Variants in MUSTN1 observed in about 807,000 individuals in gnomAD.
The protein encoded by MUSTN1 is musculoskeletal, embryonic nuclear protein 1, also known as musculoskeletal embryonic nuclear protein 1.
Under a neutral mutation model 11.8 loss-of-function variants are expected in MUSTN1, and 14 were observed. The observed-to-expected ratio is 1.18, with a 90% CI of 0.78 to 1.85. The LOEUF is 1.85. Among genes scored for constraint, MUSTN1 ranks in the 40% most tolerant of loss-of-function variants. MUSTN1 has a pLI of 0.00. For synonymous variants in MUSTN1, 42 were observed against 43.3 expected, an observed-to-expected ratio of 0.97 and a Z score of 0.12; for missense variants, 111 against 108.8, an observed-to-expected ratio of 1.02 and a Z score of -0.09.
In MUSTN1 at chr3:52,833,403, A is replaced by AC; in HGVS notation, c.169dup (p.Val57GlyfsTer14). 1.9e-6 allele frequency: 3 copies of AC among 1,613,424 alleles called. No individual in the cohort carries two copies. The highest frequency in any genetic ancestry group is 2.5e-6 in the Non-Finnish European group (3 of 1,179,514). On this transcript the variant is annotated frameshift_variant, in exon 3 of 3. Coordinates refer to ENST00000446157, the MANE Select transcript of MUSTN1 (RefSeq NM_205853.4). LOFTEE classifies it high-confidence loss of function. Reference sequence around the variant, plus strand: ...GGTACCTGTGCGGGTGCGGCTGAACACCGACGGGGCGGCCGAGCCAGCTTG... The same window carrying AC: ...GGTACCTGTGCGGGTGCGGCTGAACACCCGACGGGGCGGCCGAGCCAGCTTG...
Position 52,833,880 on chromosome 3 carries a change from C to A in MUSTN1, c.10-131G>T, listed in dbSNP as rs1700644624. 6 of 1,408,812 alleles carry A rather than the reference C, an allele frequency of 4.3e-6. No homozygotes were observed. The African/African-American group carries it at 5.8e-5, about 14-fold the overall frequency. 87.3% of individuals were successfully genotyped at this position (1,408,812 alleles called of 1,614,324 possible). On this transcript the variant is annotated intron_variant, in intron 1 of 2. Transcript: ENST00000446157. ...GCCTATTCAAGGCTCTACTCCTCTTCCAGAGAAAGCCTTCCCAACTATACT... is the reference window on the plus strand; with the variant it reads ...GCCTATTCAAGGCTCTACTCCTCTTACAGAGAAAGCCTTCCCAACTATACT...
chr3:52,833,443 G>A lies in MUSTN1; in HGVS notation c.143-13C>T. ...GAGCCAGCTTGCTCTGTGGGAGGAG[G>A]TAAAGTCAGGGGCCAGCCTAGCTTC... is the stretch of plus-strand genomic sequence containing the variant. On this transcript the variant is annotated splice_polypyrimidine_tract_variant and intron_variant, in intron 2 of 2. Transcript: ENST00000446157. The A allele has an allele frequency of 1.9e-6, 3 of 1,608,528 alleles. No individual in the cohort carries two copies. Among genetic ancestry groups the A allele is most frequent in the Non-Finnish European group, 2.6e-6 (3 of 1,176,022 alleles).
rs370970594 is a variant in MUSTN1 at position 52,833,287 on chromosome 3, C to T, written c.*37G>A. 9.9e-5 allele frequency: 159 copies of T among 1,612,994 alleles called. No homozygotes were observed. The highest frequency in any genetic ancestry group is 4.4e-4 in the African/African-American group (33 of 74,962). ...AGTTCCTGGGAAAGGCTCCTGTTTCCGAGCATTCGGGCAGCAAGGGGAGTG... is the reference window on the plus strand; with the variant it reads ...AGTTCCTGGGAAAGGCTCCTGTTTCTGAGCATTCGGGCAGCAAGGGGAGTG... On this transcript the variant is annotated 3_prime_UTR_variant, in exon 3 of 3. Transcript: ENST00000446157.
Position 52,834,927 on chromosome 3 carries a change from T to G in MUSTN1, c.9+13A>C. On this transcript the variant is annotated intron_variant, in intron 1 of 2. Coordinates refer to ENST00000446157, the MANE Select transcript of MUSTN1 (RefSeq NM_205853.4). The stretch of plus-strand genomic sequence containing the variant: ...CCTCTGGCATCAACACAGCCCTTGC[T>G]GGGTCCTCCTACCTGGGACATGGTG... 1 of 1,613,550 alleles carries G rather than the reference T, an allele frequency of 6.2e-7. No individual in the cohort carries two copies. The highest frequency in any genetic ancestry group is 1.1e-5 in the South Asian group (1 of 90,846).
chr3:52,833,211 G>A lies in MUSTN1; in HGVS notation c.*113C>T. On this transcript the variant is annotated 3_prime_UTR_variant, in exon 3 of 3. Transcript: ENST00000446157. ...TGAAGGGCCTGGACTGTGGGGGAGG[G>A]TGGCAGCCCCAGAGACAGCAGGGGA... 6.8e-7 allele frequency: 1 copy of A among 1,471,270 alleles called. No homozygotes were observed. Among genetic ancestry groups the A allele is most frequent in the Middle Eastern group, 1.7e-4 (1 of 5,860 alleles). 91.1% of individuals were successfully genotyped at this position (1,471,270 alleles called of 1,614,324 possible). A position where few individuals can be genotyped will look rare whatever the true frequency, so the allele number is the denominator to read the frequency against.
Position 52,833,758 on chromosome 3 carries a change from T to TC in MUSTN1, c.10-10dup, listed in dbSNP as rs771647220. The TC allele has an allele frequency of 4.5e-6, 7 of 1,572,472 alleles. No homozygotes were observed. In the Admixed American group the frequency reaches 1.3e-4, roughly 29 times the overall value. On this transcript the variant is annotated splice_polypyrimidine_tract_variant and intron_variant, in intron 1 of 2. Transcript: ENST00000446157. The stretch of plus-strand genomic sequence containing the variant: ...GCTTCCTGAGCACCAGCCTTGGAGA[T>TC]CCAAGAGCCTCATCTTACTACCTGA...
intron 2 of MUSTN1, 75 bp downstream of exon 2, chr3:52,833,542 C>A: frequency 6.3e-7 from 1 of 1,584,674 alleles, no homozygotes; most frequent in Non-Finnish European, 8.6e-7. Flanking sequence ...GAAAAGGATC[C>A]TTGACCACCT....
At chr3:52,834,679 C>T (rs965215965) in intron 1 of MUSTN1, 8 of 618,360 alleles carry the variant, frequency 1.3e-5, no homozygotes, top group Non-Finnish European at 2.0e-5. Flanking sequence ...CACACACAGG[C>T]ACATGCAAAG....
intron 1 of MUSTN1, chr3:52,834,686 A>ACACACACACAC: frequency 1.7e-6 from 1 of 601,090 alleles, no homozygotes; most frequent in Admixed American, 2.8e-5. Context: ...AGGCACATGC[A>ACACACACACAC]AAGATCTATC....
In MUSTN1 at chr3:52,834,971, G is replaced by A. The variant is rs761584546; in HGVS notation, c.-23C>T. On this transcript the variant is annotated 5_prime_UTR_variant, in exon 1 of 3. Coordinates refer to ENST00000446157, the MANE Select transcript of MUSTN1 (RefSeq NM_205853.4). The stretch of plus-strand genomic sequence containing the variant: ...CATGGTGGGTATTGTGTAAGCGCTG[G>A]GTCTCTGAAGGCGCCTCTCTGGCAG... 6.2e-7 allele frequency: 1 copy of A among 1,613,270 alleles called. No individual in the cohort carries two copies. Among genetic ancestry groups the A allele is most frequent in the East Asian group, 2.2e-5 (1 of 44,866 alleles).
chr3:52,833,603 A>G lies in MUSTN1; in HGVS notation c.142+14T>C, dbSNP rs749033752. 1.1e-5 allele frequency: 17 copies of G among 1,610,152 alleles called. No individual in the cohort carries two copies. Among genetic ancestry groups the G allele is most frequent in the Non-Finnish European group, 1.4e-5 (16 of 1,178,188 alleles). ...ACCCCCATCCCCAGCCCCAGATGGC[A>G]TGAGGACACTCACCACACTCTCGCA... On this transcript the variant is annotated intron_variant, in intron 2 of 2. Transcript: ENST00000446157.
Position 52,833,705 on chromosome 3 carries a change from C to A in MUSTN1, c.54G>T (p.Val18=). ...EAPIKKKRPP[V]KDEDLKGARG... The stretch of plus-strand genomic sequence containing the variant: ...GGGCCCCCTTCAGGTCCTCGTCCTT[C>A]ACAGGGGGGCGCTTCTTCTTGATAG... Residue 18 remains valine, a synonymous_variant, in exon 2 of 3, where the codon GTG becomes GTT. Transcript: ENST00000446157. 6.3e-7 allele frequency: 1 copy of A among 1,590,488 alleles called. No homozygotes were observed. Among genetic ancestry groups the A allele is most frequent in the Non-Finnish European group, 8.6e-7 (1 of 1,168,440 alleles).
Position 52,834,148 on chromosome 3 carries a change from G to A in MUSTN1, c.10-399C>T, listed in dbSNP as rs1430909976. 2.0e-5 allele frequency among the ~76,000 whole-genome samples: 3 copies of A among 152,302 alleles called. No individual in the cohort carries two copies. In the East Asian group the frequency reaches 5.8e-4, roughly 29 times the overall value. On this transcript the variant is annotated intron_variant, in intron 1 of 2. Transcript: ENST00000446157. ...CACTGGGTGGCAAGCGGTTCCTCAAGGATTGCCCCCTTCCAGAAAAGCGCC... is the reference window on the plus strand; with the variant it reads ...CACTGGGTGGCAAGCGGTTCCTCAAAGATTGCCCCCTTCCAGAAAAGCGCC...
rs1342616589 is a variant in MUSTN1, at chr3:52,835,017, T to A, written c.-69A>T. On this transcript the variant is annotated 5_prime_UTR_variant, in exon 1 of 3. Transcript: ENST00000446157. ...GGCAGGCAGCAGCTGCTGGAAAAGA[T>A]CTGAGTGGAGCCCAGCCTTCTGAAA... The A allele has an allele frequency of 1.9e-6, 3 of 1,599,222 alleles. No homozygotes were observed. The highest frequency in any genetic ancestry group is 2.6e-6 in the Non-Finnish European group (3 of 1,170,758).
At chr3:52,834,765 CA>C in intron 1 of MUSTN1, 174 bp downstream of exon 1, 1 of 779,128 alleles carries the variant, frequency 1.3e-6, no homozygotes, top group Non-Finnish European at 2.2e-6. Context: ...ACCAAAGCCA[CA>C]TAGAAGAGGG....
At position 52,833,408 on chromosome 3, in the gene MUSTN1, C is replaced by T. The variant is rs761063942; in HGVS notation, c.165G>A (p.Pro55=). The change falls in exon 3 of 3, where the codon CCG becomes CCA. Residue 55 remains proline (P), a synonymous_variant. Transcript: ENST00000446157. ...RECEQAGSAA[P]SVFSRTRTGT... The stretch of plus-strand genomic sequence containing the variant: ...CTGTGCGGGTGCGGCTGAACACCGA[C>T]GGGGCGGCCGAGCCAGCTTGCTCTG... The T allele has an allele frequency of 6.3e-5, 101 of 1,613,118 alleles. No individual in the cohort carries two copies. The highest frequency in any genetic ancestry group is 1.6e-4 in the Middle Eastern group (1 of 6,076).
In MUSTN1 at chr3:52,834,651, T is replaced by C. The variant is rs1465229316; in HGVS notation, c.9+289A>G. The C allele has an allele frequency of 4.9e-5, 19 of 384,642 alleles. No homozygotes were observed. In the African/African-American group the frequency reaches 7.3e-4, roughly 15 times the overall value. The allele number at this position is 384,642 out of a possible 1,614,324, so 23.8% of individuals were successfully genotyped here. On this transcript the variant is annotated intron_variant, in intron 1 of 2. Transcript: ENST00000446157. ...GCTATATCGGCAGCACACACACAGA[T>C]GCGCACACACACACACACACACACA...
At chr3:52,834,297 G>A (rs1700653603) in intron 1 of MUSTN1, among the ~76,000 whole-genome samples, 1 of 152,140 alleles carries the variant, frequency 6.6e-6, no homozygotes, top group South Asian at 2.1e-4. Context: ...TCTCTTGGCA[G>A]GCTGGTCTGT....
chr3:52,834,844 G>C, intron 1 of MUSTN1, 96 bp downstream of exon 1: 1 of 1,452,948 alleles, frequency 6.9e-7, no homozygotes, highest in Non-Finnish European at 9.5e-7. Context: ...TCATGCTTGG[G>C]GCTCAGATCA....
Sources: gnomAD v4.1 joint callset for allele counts (sites outside exome capture counted in the v4.1 genomes callset) on GRCh38, gnomAD v4.1.1 for gene constraint, MANE v1.5 for transcripts, NCBI Gene and HGNC (gene_info 2026-07-23, HGNC 2026-07-21) for gene names.